The following STRBP variants were observed in gnomAD, a reference collection of about 807,000 sequenced individuals.
STRBP encodes the protein spermatid perinuclear RNA-binding protein.
Under a neutral mutation model 80.1 loss-of-function variants are expected in STRBP, and 13 were observed. That is an observed-to-expected ratio of 0.16 (90% CI 0.11 to 0.26). The LOEUF (loss-of-function observed/expected upper bound fraction) is 0.26. Among genes scored for constraint, STRBP ranks in the 10% least tolerant of loss-of-function variants. The pLI, the probability that STRBP is intolerant of heterozygous loss-of-function variation, is 1.00. For synonymous variants in STRBP, 284 were observed against 291.2 expected (o/e 0.98, Z 0.25); for missense variants, 485 against 815.2 (o/e 0.59, Z 4.93).
rs2040740873 is a variant in STRBP, at chr9:123,243,506, CAATT to C, written c.-301-6544_-301-6541del. On this transcript the variant is annotated intron_variant, in intron 1 of 18. Coordinates refer to ENST00000348403, the MANE Select transcript of STRBP (RefSeq NM_018387.5). The stretch of plus-strand genomic sequence containing the variant: ...ATTAATTTTTGTTCTATGAAAGACA[CAATT>C]AAGAGGATATAAAGACAAGCTACAG... Among the ~76,000 whole-genome samples, 3 of 152,014 alleles carry C rather than the reference CAATT, an allele frequency of 2.0e-5. No homozygotes were observed. The South Asian group carries it at 6.2e-4, about 32-fold the overall frequency.
intron 1 of STRBP, among the ~76,000 whole-genome samples, chr9:123,254,456 CAAAAAAAA>C (rs1205708821): frequency 1.1e-4 from 7 of 65,760 alleles, no homozygotes; most frequent in Non-Finnish European, 2.3e-4. Flanking sequence ...GACTCCGTCT[CAAAAAAAA>C]AAAAAAAAAA....
chr9:123,186,829 A>ATT (rs1564279403), intron 2 of STRBP, among the ~76,000 whole-genome samples: 18 of 149,442 alleles, frequency 1.2e-4, no homozygotes, highest in South Asian at 2.1e-4. Flanking sequence ...TTTTTTTAAA[A>ATT]AAAAAAAAAA....
In STRBP at chr9:123,169,950, T is replaced by C; in HGVS notation, c.487A>G (p.Ile163Val). ...TCCCTAATTAGAGGTGAGGTAAGTA[T>C]CACCTTCAAAGTTAGCGTGGGCTCT... ...TKEPTLTLKV[I>V]LTSPLIRDEL... The change falls in exon 6 of 19, where the codon ATA becomes GTA. Residue 163 changes from isoleucine (I) to valine (V), a missense_variant. Ile to Val is a conservative substitution (Grantham distance 29, BLOSUM62 3). Transcript: ENST00000348403. 6.2e-7 allele frequency: 1 copy of C among 1,607,174 alleles called. No individual in the cohort carries two copies. Among genetic ancestry groups the C allele is most frequent in the South Asian group, 1.1e-5 (1 of 89,086 alleles).
At chr9:123,112,616 A>C (rs2035585198) in intron 3 of STRBP, 1 of 167,434 alleles carries the variant, frequency 6.0e-6, no homozygotes, top group African/African-American at 2.4e-5. Flanking sequence ...TACACTGAGC[A>C]TTCCTCAATG....
intron 1 of STRBP, among the ~76,000 whole-genome samples, chr9:123,265,040 A>G (rs537501505): frequency 6.6e-6 from 1 of 152,276 alleles, no homozygotes; most frequent in East Asian, 1.9e-4. Flanking sequence ...ACATATATCA[A>G]ATCTCAAAAT....
chr9:123,223,483 G>C (rs1267329708), intron 2 of STRBP, among the ~76,000 whole-genome samples: 1 of 152,076 alleles, frequency 6.6e-6, no homozygotes. Flanking sequence ...AAAACTTTTT[G>C]TATTACATGC....
At chr9:123,207,251 CTGATTTTG>C (rs1362951682) in intron 2 of STRBP, among the ~76,000 whole-genome samples, 1 of 152,154 alleles carries the variant, frequency 6.6e-6, no homozygotes, top group African/African-American at 2.4e-5. Context: ...TACTGTAGCA[CTGATTTTG>C]TGCATTATCA....
intron 2 of STRBP, among the ~76,000 whole-genome samples, chr9:123,201,608 T>C (rs1051897354): frequency 6.6e-6 from 1 of 152,236 alleles, no homozygotes; most frequent in Admixed American, 6.5e-5. Context: ...CGCTGTGGTC[T>C]GCAGGGATAC....
At chr9:123,218,660 C>T (rs1024820834) in intron 2 of STRBP, among the ~76,000 whole-genome samples, 29 of 152,048 alleles carry the variant, frequency 1.9e-4, no homozygotes, top group East Asian at 1.2e-3. Context: ...TGAGCCACCG[C>T]GCCCGGCCTA....
rs867998699 is a variant in STRBP at position 123,115,400 on chromosome 9, A to G, written c.*84+529T>C. On this transcript the variant is annotated intron_variant and NMD_transcript_variant, in intron 3 of 3. Transcript: ENST00000471564. This position sits in a 1 kb window ranked among gnomAD's most constrained non-coding sequence, Gnocchi z 5.0. ...CCCAGGGCTGGCAAGGAGGATCCCT[A>G]GCAGGGAGGGGGAGACCCACTGAAG... The G allele has an allele frequency of 2.1e-6, 1 of 470,950 alleles. No individual in the cohort carries two copies. Among genetic ancestry groups the G allele is most frequent in the East Asian group, 7.0e-5 (1 of 14,380 alleles). 29.2% of individuals were successfully genotyped at this position (470,950 alleles called of 1,614,324 possible).
intron 3 of STRBP, among the ~76,000 whole-genome samples, chr9:123,183,658 T>C (rs1443659280): frequency 6.6e-6 from 1 of 152,180 alleles, no homozygotes; most frequent in Non-Finnish European, 1.5e-5. Context: ...TCAGTGCCCC[T>C]ACTATACTCA....
chr9:123,141,339 G>A (rs984795692), intron 13 of STRBP, among the ~76,000 whole-genome samples: 3 of 152,182 alleles, frequency 2.0e-5, no homozygotes, highest in Admixed American at 6.5e-5. Flanking sequence ...TTGCTTGGGA[G>A]TAAAGCCAAG....
intron 2 of STRBP, among the ~76,000 whole-genome samples, chr9:123,201,082 C>T (rs1270376149): frequency 2.6e-5 from 4 of 152,056 alleles, no homozygotes; most frequent in African/African-American, 9.7e-5. Flanking sequence ...AGTGCAATGT[C>T]ACCAGTTTCA....
intron 2 of STRBP, among the ~76,000 whole-genome samples, chr9:123,190,261 C>T (rs114428065): frequency 1.9e-3 from 282 of 147,712 alleles, no homozygotes; most frequent in African/African-American, 6.8e-3. Flanking sequence ...CCCTGGGCAA[C>T]GGAGTGAGAC....
intron 1 of STRBP, among the ~76,000 whole-genome samples, chr9:123,266,724 A>C: frequency 1.3e-5 from 2 of 150,460 alleles, no homozygotes; most frequent in African/African-American, 2.5e-5. Flanking sequence ...CACCACCACC[A>C]CTCCAATCCA....
At chr9:123,129,245 T>C (rs1410100748) in intron 17 of STRBP, among the ~76,000 whole-genome samples, 4 of 151,962 alleles carry the variant, frequency 2.6e-5, no homozygotes, top group African/African-American at 9.7e-5. Flanking sequence ...TAGTCCCAGC[T>C]CCTCAGGAGG....
chr9:123,192,217 G>A (rs1040264554), intron 2 of STRBP, among the ~76,000 whole-genome samples: 2 of 152,210 alleles, frequency 1.3e-5, no homozygotes, highest in African/African-American at 2.4e-5. Context: ...CTAGTGTTCA[G>A]CAGAGAGGTC....
In STRBP at chr9:123,136,830, A is replaced by G. The variant is rs940720020; in HGVS notation, c.1498-315T>C. On this transcript the variant is annotated intron_variant, in intron 14 of 18. Transcript: ENST00000348403. This position sits in a 1 kb window ranked among gnomAD's most constrained non-coding sequence, Gnocchi z 4.2. ...TCGTGATCTAAGAATAATACTCTAAATTACTAATAACGAGAATAGAACAGT... is the reference window on the plus strand; with the variant it reads ...TCGTGATCTAAGAATAATACTCTAAGTTACTAATAACGAGAATAGAACAGT... Among the ~76,000 whole-genome samples, 1 of 152,194 alleles carries G rather than the reference A, an allele frequency of 6.6e-6. No individual in the cohort carries two copies. The highest frequency in any genetic ancestry group is 1.5e-5 in the Non-Finnish European group (1 of 68,040).
chr9:123,254,718 G>A (rs1227437223), intron 1 of STRBP, among the ~76,000 whole-genome samples: 6 of 152,174 alleles, frequency 3.9e-5, no homozygotes, highest in Middle Eastern at 3.4e-3. Context: ...TCACACCTCC[G>A]GTGAGGTGAA....
Sources: allele counts gnomAD v4.1 joint callset (sites outside exome capture counted in the v4.1 genomes callset), GRCh38; gene constraint gnomAD v4.1.1; non-coding constraint Gnocchi (gnomAD v3.1); transcripts MANE v1.5; gene names NCBI Gene and HGNC (gene_info 2026-07-23, HGNC 2026-07-21).